Variants in STARD7 observed in about 807,000 individuals in gnomAD.
STARD7 encodes the protein StAR related lipid transfer domain containing 7, also known as stAR-related lipid transfer protein 7, mitochondrial.
In STARD7, 30 loss-of-function variants were observed where a neutral mutation model predicts 45.3. That is an observed-to-expected ratio of 0.66 (90% CI 0.50 to 0.90). The LOEUF is 0.90. STARD7 is among the 40% of genes least tolerant of loss of function. The pLI is 0.00. For synonymous variants in STARD7, 199 were observed against 183.0 expected, an observed-to-expected ratio of 1.09 and a Z score of -0.70; for missense variants, 495 against 491.3, an observed-to-expected ratio of 1.01 and a Z score of -0.07.
rs938028210 is a variant in STARD7 at position 96,185,810 on chromosome 2, C to T, written c.*920G>A. The T allele has an allele frequency of 3.3e-5, 5 of 152,150 alleles. No individual in the cohort carries two copies. Among genetic ancestry groups the T allele is most frequent in the Admixed American group, 2.6e-4 (4 of 15,262 alleles). The allele number at this position is 152,150 out of a possible 1,614,324, so 9.4% of individuals were successfully genotyped here. ...ATCAAAATGGTGTTTTCTATACAATCGGACTAGGGTAGAATCCTGCTCAAT... is the reference window on the plus strand; with the variant it reads ...ATCAAAATGGTGTTTTCTATACAATTGGACTAGGGTAGAATCCTGCTCAAT... On this transcript the variant is annotated 3_prime_UTR_variant, in exon 8 of 8. Transcript: ENST00000337288.
At position 96,195,551 on chromosome 2, in the gene STARD7, T is replaced by C. The variant is rs1468934410; in HGVS notation, c.291-2A>G. On this transcript the variant is annotated splice_acceptor_variant, in intron 1 of 7. Transcript: ENST00000337288. LOFTEE classifies it high-confidence loss of function. The stretch of plus-strand genomic sequence containing the variant: ...AACCGCTTCATCTCATTAATAGATC[T>C]GTAAAGGGGAAAAAGAGCCATGGTG... The C allele has an allele frequency of 6.2e-7, 1 of 1,611,096 alleles. No individual in the cohort carries two copies. Among genetic ancestry groups the C allele is most frequent in the East Asian group, 2.2e-5 (1 of 44,852 alleles).
In STARD7 at chr2:96,208,662, C is replaced by T; in HGVS notation, c.-228G>A. 2 of 460,416 alleles carry T rather than the reference C, an allele frequency of 4.3e-6. No homozygotes were observed. The highest frequency in any genetic ancestry group is 7.6e-6 in the Non-Finnish European group (2 of 263,742). 28.5% of individuals were successfully genotyped at this position (460,416 alleles called of 1,614,324 possible). A position where few individuals can be genotyped will look rare whatever the true frequency, so the allele number is the denominator to read the frequency against. On this transcript the variant is annotated 5_prime_UTR_variant, in exon 1 of 8. Coordinates refer to ENST00000337288, the MANE Select transcript of STARD7 (RefSeq NM_020151.4). ...AGACGCCGGGATGGCTCCGCGACTG[C>T]TACACCAGGCACTCCTGGGCCCGGG...
At chr2:96,191,864 A>G (rs1683130565) in intron 6 of STARD7, among the ~76,000 whole-genome samples, 1 of 152,130 alleles carries the variant, frequency 6.6e-6, no homozygotes, top group Non-Finnish European at 1.5e-5. Context: ...CTCAGTGGAG[A>G]TTTAGCTTAA....
chr2:96,207,725 T>C (rs1243071928), intron 1 of STARD7, among the ~76,000 whole-genome samples: 2 of 152,204 alleles, frequency 1.3e-5, no homozygotes, highest in Non-Finnish European at 2.9e-5. Flanking sequence ...CTGAGTCCCA[T>C]CTGGATTGAA....
chr2:96,187,116 A>AG, intron 7 of STARD7, 101 bp downstream of exon 7: 2 of 1,053,428 alleles, frequency 1.9e-6, no homozygotes, highest in Non-Finnish European at 2.8e-6. Context: ...AAAAAAAAAA[A>AG]AAGAAGAACC....
At chr2:96,200,652 A>G (rs946907220) in intron 1 of STARD7, among the ~76,000 whole-genome samples, 2 of 152,180 alleles carry the variant, frequency 1.3e-5, no homozygotes, top group African/African-American at 2.4e-5. Context: ...TTATAATAAT[A>G]ATTTTTTAAA....
chr2:96,203,314 C>A (rs1361440259), intron 1 of STARD7, among the ~76,000 whole-genome samples: 1 of 152,134 alleles, frequency 6.6e-6, no homozygotes, highest in Non-Finnish European at 1.5e-5. Flanking sequence ...AGAGATTATT[C>A]CCAAAATAGT....
In STARD7 at chr2:96,185,456, G is replaced by C. The variant is rs1683020721; in HGVS notation, c.*1274C>G. On this transcript the variant is annotated 3_prime_UTR_variant, in exon 8 of 8. Coordinates refer to ENST00000337288, the MANE Select transcript of STARD7 (RefSeq NM_020151.4). ...AGGGAAGGAGGAGGATTTAAAACTT[G>C]ATCCCTATTATTCTAACAAATTGCA... The C allele has an allele frequency of 6.6e-6, 1 of 152,184 alleles. No individual in the cohort carries two copies. The highest frequency in any genetic ancestry group is 2.1e-4 in the South Asian group (1 of 4,830). 9.4% of individuals were successfully genotyped at this position (152,184 alleles called of 1,614,324 possible).
At chr2:96,204,980 C>A (rs1683366726) in intron 1 of STARD7, among the ~76,000 whole-genome samples, 1 of 152,154 alleles carries the variant, frequency 6.6e-6, no homozygotes, top group Non-Finnish European at 1.5e-5. Flanking sequence ...TTTCCCCTAG[C>A]CTTTCATTTC....
intron 3 of STARD7, 53 bp from the exon 4 acceptor site, chr2:96,193,405 C>T: frequency 8.5e-7 from 1 of 1,176,552 alleles, no homozygotes; most frequent in Non-Finnish European, 1.3e-6. Context: ...AACAAAAATG[C>T]AGAAAGCTTT....
At position 96,194,152 on chromosome 2, in the gene STARD7, G is replaced by A. The variant is rs116990792; in HGVS notation, c.550-800C>T. ...GGCAGGAGGATCACTAGAGCCCAGG[G>A]AGTTCAAGACCAGCCTAGGAGACAT... is the stretch of plus-strand genomic sequence containing the variant. On this transcript the variant is annotated intron_variant, in intron 3 of 7. Coordinates refer to ENST00000337288, the MANE Select transcript of STARD7 (RefSeq NM_020151.4). Among the ~76,000 whole-genome samples, 357 of 152,248 alleles carry A rather than the reference G, an allele frequency of 2.3e-3. 10 individuals carry two copies. In the East Asian group the frequency reaches 0.054, roughly 23 times the overall value.
Position 96,193,165 on chromosome 2 carries a change from A to G in STARD7, c.661-5T>C, listed in dbSNP as rs1167971064. ...ATCCCGTGAGTACATTGGATACTAA[A>G]GAAATGGAGGAGCAGGATTAGTGTT... On this transcript the variant is annotated splice_polypyrimidine_tract_variant and splice_region_variant and intron_variant, in intron 4 of 7. Coordinates refer to ENST00000337288, the MANE Select transcript of STARD7 (RefSeq NM_020151.4). 1 of 1,609,354 alleles carries G rather than the reference A, an allele frequency of 6.2e-7. No individual in the cohort carries two copies. Among genetic ancestry groups the G allele is most frequent in the South Asian group, 1.1e-5 (1 of 90,958 alleles).
In STARD7 at chr2:96,187,254, C is replaced by T. The variant is rs151028459; in HGVS notation, c.891G>A (p.Val297=). Residue 297 remains valine (V), a synonymous_variant, in exon 7 of 8, where the codon GTG becomes GTA. Coordinates refer to ENST00000337288, the MANE Select transcript of STARD7 (RefSeq NM_020151.4). ...TCCAACTAACACAGTAGCGAGGAAA[C>T]ACCGTTTGGGGATTGTCACTGTATG... ...LLTYSDNPQT[V]FPRYCVSWMV... 162 of 1,613,924 alleles carry T rather than the reference C, an allele frequency of 1.0e-4. No homozygotes were observed. In the African/African-American group the frequency reaches 1.7e-3, roughly 17 times the overall value.
chr2:96,206,122 T>G (rs1683384774), intron 1 of STARD7, among the ~76,000 whole-genome samples: 1 of 152,192 alleles, frequency 6.6e-6, no homozygotes, highest in Non-Finnish European at 1.5e-5. Context: ...GGCTCAGTCA[T>G]GAACTGGTCT....
chr2:96,202,574 C>T (rs972530342), intron 1 of STARD7, among the ~76,000 whole-genome samples: 5 of 152,092 alleles, frequency 3.3e-5, no homozygotes, highest in South Asian at 4.1e-4. Context: ...CATAGGGCAT[C>T]GATTACAGCA....
At chr2:96,193,392 C>A (rs1314156420) in intron 3 of STARD7, 40 bp from the exon 4 acceptor site, 1 of 1,358,146 alleles carries the variant, frequency 7.4e-7, no homozygotes, top group African/African-American at 1.4e-5. Flanking sequence ...CAAGAAGACC[C>A]AAAACAAAAA....
intron 6 of STARD7, chr2:96,187,909 G>T (rs1683061729): frequency 6.6e-6 from 1 of 152,416 alleles, no homozygotes; most frequent in Non-Finnish European, 1.5e-5. Context: ...AGTGAGCCAA[G>T]ATCTAGCCAC....
chr2:96,208,589 C>G lies in STARD7; in HGVS notation c.-155G>C. On this transcript the variant is annotated 5_prime_UTR_variant, in exon 1 of 8. Coordinates refer to ENST00000337288, the MANE Select transcript of STARD7 (RefSeq NM_020151.4). ...GCCGCCGCTCATCTGTCTCTGCAGCCACCGCTGAGGAAGAGTCTCCTCTGA... is the reference window on the plus strand; with the variant it reads ...GCCGCCGCTCATCTGTCTCTGCAGCGACCGCTGAGGAAGAGTCTCCTCTGA... 1 of 595,460 alleles carries G rather than the reference C, an allele frequency of 1.7e-6. No homozygotes were observed. Among genetic ancestry groups the G allele is most frequent in the Non-Finnish European group, 2.7e-6 (1 of 375,558 alleles). The allele number at this position is 595,460 out of a possible 1,614,324, so 36.9% of individuals were successfully genotyped here.
At chr2:96,205,144 GTTTAA>G (rs984582130) in intron 1 of STARD7, among the ~76,000 whole-genome samples, 6 of 152,162 alleles carry the variant, frequency 3.9e-5, no homozygotes, top group Non-Finnish European at 8.8e-5. Flanking sequence ...TATTTTCGTT[GTTTAA>G]TTTAAGACAA....
Sources: gnomAD v4.1 joint callset for allele counts (sites outside exome capture counted in the v4.1 genomes callset) on GRCh38, gnomAD v4.1.1 for gene constraint, MANE v1.5 for transcripts, NCBI Gene and HGNC (gene_info 2026-07-23, HGNC 2026-07-21) for gene names.